Variants in MCF2L observed in about 807,000 individuals in gnomAD.
MCF2L encodes guanine nucleotide exchange factor DBS.
In MCF2L, 97 loss-of-function variants were observed where a neutral mutation model predicts 153.4. The ratio of observed to expected loss-of-function variants is 0.63; its 90% CI spans 0.54 to 0.75. The LOEUF (loss-of-function observed/expected upper bound fraction) is 0.75. Among genes scored for constraint, MCF2L ranks in the 30% least tolerant of loss-of-function variants. MCF2L has a pLI of 0.00. For missense variants in MCF2L, 1,347 were observed against 1,495.2 expected (o/e 0.90, Z 1.64); for synonymous variants, 659 against 632.2 (o/e 1.04, Z -0.64).
intron 26 of MCF2L, chr13:113,094,299 C>G (rs1035942606): frequency 5.9e-6 from 2 of 341,002 alleles, no homozygotes; most frequent in African/African-American, 4.3e-5. Flanking sequence ...CAATTGGAAG[C>G]AGATGGTCTC....
intron 1 of MCF2L, among the ~76,000 whole-genome samples, chr13:112,994,412 G>A (rs1232027703): frequency 6.6e-6 from 1 of 152,254 alleles, no homozygotes; most frequent in Non-Finnish European, 1.5e-5. Context: ...GTCTGTGCCA[G>A]TGTCTCGGGC....
chr13:113,033,955 G>A (rs3011506), intron 3 of MCF2L: 39,951 of 157,320 alleles, frequency 0.25, 5,203 homozygotes, highest in East Asian at 0.46. Flanking sequence ...GGTTCTGCAC[G>A]CACCGCGGTG....
chr13:113,099,509 T>C lies in MCF2L; in HGVS notation c.*2650T>C, dbSNP rs548220326. 6.6e-6 allele frequency: 1 copy of C among 152,294 alleles called. No homozygotes were observed. Among genetic ancestry groups the C allele is most frequent in the African/African-American group, 2.4e-5 (1 of 41,542 alleles). The allele number at this position is 152,294 out of a possible 1,614,324, so 9.4% of individuals were successfully genotyped here. A position where few individuals can be genotyped will look rare whatever the true frequency, so the allele number is the denominator to read the frequency against. ...GTGTCGACAGCTTAGTGGTGTCTGA[T>C]TTTATACATGACAAAATGAACGAGT... On this transcript the variant is annotated 3_prime_UTR_variant, in exon 30 of 30. Transcript: ENST00000535094.
At chr13:112,994,615 C>T (rs953181992) in intron 1 of MCF2L, among the ~76,000 whole-genome samples, 10 of 152,240 alleles carry the variant, frequency 6.6e-5, no homozygotes, top group Non-Finnish European at 1.2e-4. Context: ...CAGCTGGGCG[C>T]GGTGACCAAT....
At chr13:112,974,945 G>A (rs546705240) in intron 1 of MCF2L, among the ~76,000 whole-genome samples, 64 of 152,240 alleles carry the variant, frequency 4.2e-4, no homozygotes, top group African/African-American at 1.4e-3. Flanking sequence ...CGTTTCCTCC[G>A]CCGCCTACGA....
At position 113,087,387 on chromosome 13, in the gene MCF2L, C is replaced by T. The variant is rs932399702; in HGVS notation, c.2526C>T (p.Cys842=). 1 of 1,613,240 alleles carries T rather than the reference C, an allele frequency of 6.2e-7. No individual in the cohort carries two copies. Among genetic ancestry groups the T allele is most frequent in the African/African-American group, 1.3e-5 (1 of 74,944 alleles). ...TGCACGAGAAGGCAGTGCTCTTCTG[C>T]AAGAAGAGGGAGGAGAATGGGGAGG... ...LFLHEKAVLF[C]KKREENGEGY... The change falls in exon 22 of 30, where the codon TGC becomes TGT. Residue 842 remains cysteine (C), a synonymous_variant. Coordinates refer to ENST00000535094, the MANE Select transcript of MCF2L (RefSeq NM_001112732.3).
Position 113,076,840 on chromosome 13 carries a change from C to T in MCF2L, c.1501-212C>T, listed in dbSNP as rs79719619. Among the ~76,000 whole-genome samples the T allele has an allele frequency of 8.5e-3, 1,293 of 152,354 alleles. 20 individuals are homozygous for T. The highest frequency in any genetic ancestry group is 0.029 in the African/African-American group (1,216 of 41,590). ...TCCCTCGCATGGAGCTGCCCTTTCC[C>T]GAGGCCGGGGCCCCGTCCCGTGTGG... On this transcript the variant is annotated intron_variant, in intron 12 of 29. Coordinates refer to ENST00000535094, the MANE Select transcript of MCF2L (RefSeq NM_001112732.3).
chr13:112,895,533 C>T (rs2081058840), intron 1 of MCF2L, among the ~76,000 whole-genome samples: 1 of 152,114 alleles, frequency 6.6e-6, no homozygotes, highest in Admixed American at 6.5e-5. Context: ...CCCCAGGACT[C>T]CTAACATGCG....
Position 113,064,439 on chromosome 13 carries a change from A to G in MCF2L, c.606+19A>G, listed in dbSNP as rs750472408. 7 of 1,549,892 alleles carry G rather than the reference A, an allele frequency of 4.5e-6. No individual in the cohort carries two copies. The South Asian group carries it at 7.8e-5, about 17-fold the overall frequency. The stretch of plus-strand genomic sequence containing the variant: ...GCGCACGGTGAGCCGCGTCGGGGCC[A>G]GCGGGGCTGGCTGATACCAGCTCGA... On this transcript the variant is annotated intron_variant, in intron 6 of 29. Coordinates refer to ENST00000535094, the MANE Select transcript of MCF2L (RefSeq NM_001112732.3). The surrounding 1 kb of genome is among the most constrained non-coding windows in gnomAD (Gnocchi z 6.0).
At chr13:113,022,737 C>G (rs951995792) in intron 2 of MCF2L, among the ~76,000 whole-genome samples, 2 of 152,192 alleles carry the variant, frequency 1.3e-5, no homozygotes, top group Admixed American at 1.3e-4. Flanking sequence ...CTGAGACGTG[C>G]GTGAGCCACA....
intron 26 of MCF2L, chr13:113,090,859 G>C: frequency 8.7e-7 from 1 of 1,151,800 alleles, no homozygotes; most frequent in Non-Finnish European, 1.1e-6. Context: ...GCAGAACTAA[G>C]AAAACGTCCC....
intron 1 of MCF2L, among the ~76,000 whole-genome samples, chr13:112,990,820 C>T (rs1384534009): frequency 1.3e-5 from 2 of 152,192 alleles, no homozygotes; most frequent in Admixed American, 6.5e-5. Context: ...AGAATCAGTC[C>T]CTGTTCCCTA....
intron 1 of MCF2L, among the ~76,000 whole-genome samples, chr13:112,899,292 G>A (rs770829316): frequency 1.3e-5 from 2 of 152,208 alleles, no homozygotes; most frequent in South Asian, 2.1e-4. Flanking sequence ...CTGGCTCTCG[G>A]TCCAGCCTTC....
Position 113,064,887 on chromosome 13 carries a change from G to A in MCF2L, c.607-49G>A. The A allele has an allele frequency of 6.4e-7, 1 of 1,573,904 alleles. No homozygotes were observed. Among genetic ancestry groups the A allele is most frequent in the Non-Finnish European group, 8.6e-7 (1 of 1,157,048 alleles). ...GGTGTCTGCTTTCAGGGCAGCAGGA[G>A]GTGGGTGCAGTGCACAAGGCATGCA... On this transcript the variant is annotated intron_variant, in intron 6 of 29. Transcript: ENST00000535094. This position sits in a 1 kb window ranked among gnomAD's most constrained non-coding sequence, Gnocchi z 6.0.
intron 5 of MCF2L, among the ~76,000 whole-genome samples, chr13:113,061,086 T>C (rs991224594): frequency 6.6e-6 from 1 of 152,126 alleles, no homozygotes; most frequent in Non-Finnish European, 1.5e-5. Flanking sequence ...GCCCAGGCCC[T>C]GCCTGCACCC....
At chr13:112,894,554 G>A (rs2081047041) in intron 1 of MCF2L, 1 of 152,110 alleles carries the variant, frequency 6.6e-6, no homozygotes, top group Admixed American at 6.5e-5. Context: ...GTCCCCCTTA[G>A]CCTGGCTGGG....
At chr13:113,003,590 C>T (rs995084113) in intron 1 of MCF2L, among the ~76,000 whole-genome samples, 4 of 152,148 alleles carry the variant, frequency 2.6e-5, no homozygotes, top group African/African-American at 9.7e-5. Flanking sequence ...TCCTGCAGTT[C>T]CCTCCTGAAG....
At chr13:112,912,059 G>T (rs900200274) in intron 2 of MCF2L, among the ~76,000 whole-genome samples, 1 of 152,182 alleles carries the variant, frequency 6.6e-6, no homozygotes, top group African/African-American at 2.4e-5. Context: ...GGAGGTGGCC[G>T]TGCATGTGGC....
intron 2 of MCF2L, among the ~76,000 whole-genome samples, chr13:112,937,984 G>T (rs1414721332): frequency 1.3e-3 from 12 of 9,192 alleles, no homozygotes; most frequent in Admixed American, 8.0e-3. Context: ...TGGTTCAGGT[G>T]AGCGCTAATT....
Sources: allele counts gnomAD v4.1 joint callset (sites outside exome capture counted in the v4.1 genomes callset), GRCh38; gene constraint gnomAD v4.1.1; non-coding constraint Gnocchi (gnomAD v3.1); transcripts MANE v1.5; gene names NCBI Gene and HGNC (gene_info 2026-07-23, HGNC 2026-07-21).